Variants in TSG101 observed in about 807,000 individuals in gnomAD.
TSG101 encodes the protein tumor susceptibility gene 101 protein.
Under a neutral mutation model 48.5 loss-of-function variants are expected in TSG101, and 19 were observed. The ratio of observed to expected loss-of-function variants is 0.39; its 90% CI spans 0.27 to 0.58. TSG101 has a LOEUF of 0.58. TSG101 is among the 20% of genes least tolerant of loss of function. The pLI is 0.55. For missense variants in TSG101, 365 were observed against 484.4 expected (o/e 0.75, Z 2.31); for synonymous variants, 174 against 169.4 (o/e 1.03, Z -0.21).
chr11:18,520,859 C>T (rs1850260338), intron 1 of TSG101, among the ~76,000 whole-genome samples: 1 of 151,866 alleles, frequency 6.6e-6, no homozygotes, highest in Admixed American at 6.6e-5. Flanking sequence ...AGTGAAACCC[C>T]ATCTCTACTA....
intron 7 of TSG101, among the ~76,000 whole-genome samples, chr11:18,501,051 G>A (rs763672520): frequency 1.3e-5 from 2 of 152,004 alleles, no homozygotes; most frequent in South Asian, 2.1e-4. Flanking sequence ...CAAATGATTC[G>A]CCCGCCTTGG....
intron 1 of TSG101, among the ~76,000 whole-genome samples, chr11:18,523,049 G>T (rs1184266286): frequency 1.3e-5 from 2 of 151,960 alleles, no homozygotes; most frequent in African/African-American, 4.8e-5. Flanking sequence ...ACCACGCCTG[G>T]CTAATTTTTT....
At chr11:18,524,421 G>A (rs906005396) in intron 1 of TSG101, among the ~76,000 whole-genome samples, 3 of 152,138 alleles carry the variant, frequency 2.0e-5, no homozygotes, top group Admixed American at 2.0e-4. Context: ...AAACAATAAT[G>A]ACCTTCACCC....
intron 7 of TSG101, among the ~76,000 whole-genome samples, chr11:18,497,703 G>C (rs1023096072): frequency 1.3e-5 from 2 of 152,190 alleles, no homozygotes; most frequent in Non-Finnish European, 2.9e-5. Context: ...TGATAATGCT[G>C]AACCAAAATA....
intron 1 of TSG101, 128 bp downstream of exon 1, chr11:18,526,647 T>G: frequency 2.7e-6 from 3 of 1,114,982 alleles, no homozygotes; most frequent in South Asian, 1.6e-5. Context: ...TCTGAGGAGG[T>G]CGCTAAGGAC....
chr11:18,487,038 A>G (rs1219030465), intron 7 of TSG101, among the ~76,000 whole-genome samples: 2 of 149,326 alleles, frequency 1.3e-5, no homozygotes, highest in Non-Finnish European at 3.0e-5. Flanking sequence ...CAAACACTGC[A>G]TGTTCTCACT....
rs1850379906 is a variant in TSG101 at position 18,526,667 on chromosome 11, G to A, written c.42+108C>T. ...GGAGGTCGCTAAGGACTGCACCGGGGCTTCCGGCCCGTCTGGGAAGCTTGC... is the reference window on the plus strand; with the variant it reads ...GGAGGTCGCTAAGGACTGCACCGGGACTTCCGGCCCGTCTGGGAAGCTTGC... On this transcript the variant is annotated intron_variant, in intron 1 of 9. Transcript: ENST00000251968. 22 of 1,370,122 alleles carry A rather than the reference G, an allele frequency of 1.6e-5. No individual in the cohort carries two copies. In the South Asian group the frequency reaches 2.7e-4, roughly 17 times the overall value. The allele number at this position is 1,370,122 out of a possible 1,614,324, so 84.9% of individuals were successfully genotyped here.
chr11:18,484,584 C>T (rs1448605704), intron 7 of TSG101, among the ~76,000 whole-genome samples: 1 of 152,176 alleles, frequency 6.6e-6, no homozygotes, highest in Non-Finnish European at 1.5e-5. Flanking sequence ...TACTACTTCA[C>T]CCTTTACCAA....
intron 7 of TSG101, among the ~76,000 whole-genome samples, chr11:18,495,018 G>A (rs1849752512): frequency 6.6e-6 from 1 of 152,146 alleles, no homozygotes; most frequent in African/African-American, 2.4e-5. Flanking sequence ...TTCAGCTGCA[G>A]CATTTTCAGG....
intron 7 of TSG101, among the ~76,000 whole-genome samples, chr11:18,488,338 G>A (rs1849649994): frequency 6.6e-6 from 1 of 152,140 alleles, no homozygotes; most frequent in African/African-American, 2.4e-5. Context: ...CAGCTAGATG[G>A]AATGTTAAAG....
chr11:18,502,981 C>T (rs985049954), intron 6 of TSG101, among the ~76,000 whole-genome samples: 1 of 152,160 alleles, frequency 6.6e-6, no homozygotes, highest in African/African-American at 2.4e-5. Flanking sequence ...GGATATTTAA[C>T]CCGAAAACAC....
At chr11:18,487,794 T>A (rs1033504538) in intron 7 of TSG101, among the ~76,000 whole-genome samples, 1 of 152,182 alleles carries the variant, frequency 6.6e-6, no homozygotes, top group African/African-American at 2.4e-5. Context: ...TGAGCATACA[T>A]CCTCCTTTTC....
intron 1 of TSG101, among the ~76,000 whole-genome samples, chr11:18,525,046 G>A (rs1364348616): frequency 1.3e-5 from 2 of 151,452 alleles, no homozygotes; most frequent in East Asian, 3.9e-4. Context: ...GAGTAGGCTG[G>A]GATTACAGGC....
In TSG101 at chr11:18,514,724, T is replaced by C; in HGVS notation, c.311A>G (p.Asp104Gly). Residue 104 changes from aspartate to glycine, a missense_variant, in exon 4 of 10, where the codon GAT becomes GGT. Asp to Gly is a moderately conservative substitution (Grantham distance 94, BLOSUM62 -1). Transcript: ENST00000251968. The part of the protein sequence containing the change: ...SMTIKTGKHV[D>G]ANGKIYLPYL... ...AGGAAGATATATCTTCCCATTTGCA[T>C]CAACATGCTTTCCTGTTTTAATAGT... 6.3e-7 allele frequency: 1 copy of C among 1,591,160 alleles called. No homozygotes were observed. Among genetic ancestry groups the C allele is most frequent in the Non-Finnish European group, 8.5e-7 (1 of 1,173,262 alleles).
intron 1 of TSG101, among the ~76,000 whole-genome samples, chr11:18,520,415 G>A (rs947039519): frequency 2.0e-5 from 3 of 151,942 alleles, no homozygotes; most frequent in East Asian, 3.9e-4. Context: ...TGTAAAGACA[G>A]GGTCTTGCTA....
chr11:18,517,253 C>T (rs1391574609), intron 2 of TSG101, among the ~76,000 whole-genome samples: 4 of 151,518 alleles, frequency 2.6e-5, no homozygotes, highest in Non-Finnish European at 5.9e-5. Flanking sequence ...CTCAAATGGT[C>T]TCCTGGCCTC....
At chr11:18,500,132 C>G (rs1047451705) in intron 7 of TSG101, among the ~76,000 whole-genome samples, 1 of 152,124 alleles carries the variant, frequency 6.6e-6, no homozygotes, top group Non-Finnish European at 1.5e-5. Flanking sequence ...ATTTCCAATT[C>G]CATCCATGTT....
At chr11:18,484,536 A>G (rs1849591164) in intron 7 of TSG101, among the ~76,000 whole-genome samples, 1 of 152,242 alleles carries the variant, frequency 6.6e-6, no homozygotes, top group South Asian at 2.1e-4. Context: ...TCCCTAAACG[A>G]ATGTACAGGT....
At chr11:18,481,204 G>T in intron 9 of TSG101, 1 of 846,674 alleles carries the variant, frequency 1.2e-6, no homozygotes, top group Non-Finnish European at 1.4e-6. Context: ...GGCTTGAAAG[G>T]GCAGCCTGAT....
Sources: allele counts gnomAD v4.1 joint callset (sites outside exome capture counted in the v4.1 genomes callset), GRCh38; gene constraint gnomAD v4.1.1; transcripts MANE v1.5; gene names NCBI Gene and HGNC (gene_info 2026-07-23, HGNC 2026-07-21).